ZNF385D: variants seen among roughly 807,000 people sequenced by gnomAD.
ZNF385D encodes the protein zinc finger protein 385D, also known as zinc finger protein 659.
ZNF385D carries 15 observed loss-of-function variants against 35.8 expected under a neutral mutation model. The observed-to-expected ratio is 0.42, with a 90% CI of 0.28 to 0.64. The LOEUF (loss-of-function observed/expected upper bound fraction) is 0.64, where lower values mean the gene tolerates loss of function less well. Among genes scored for constraint, ZNF385D ranks in the 30% least tolerant of loss-of-function variants. The pLI is 0.23. For synonymous variants in ZNF385D, 212 were observed against 186.8 expected, an observed-to-expected ratio of 1.13 and a Z score of -1.10; for missense variants, 474 against 494.6, an observed-to-expected ratio of 0.96 and a Z score of 0.39.
intron 3 of ZNF385D, among the ~76,000 whole-genome samples, chr3:22,029,584 C>T (rs1242867608): frequency 6.6e-6 from 1 of 152,210 alleles, no homozygotes; most frequent in African/African-American, 2.4e-5. Flanking sequence ...GTATTTCCTT[C>T]TTCTTTTGTT....
intron 4 of ZNF385D, among the ~76,000 whole-genome samples, chr3:21,489,077 C>A (rs1424038291): frequency 1.3e-5 from 2 of 152,036 alleles, no homozygotes; most frequent in Non-Finnish European, 2.9e-5. Flanking sequence ...TTTTAATGGA[C>A]TGAAACCTGT....
intron 1 of ZNF385D, among the ~76,000 whole-genome samples, chr3:21,678,377 G>T (rs9310651): frequency 9.2e-5 from 14 of 151,974 alleles, no homozygotes; most frequent in African/African-American, 3.4e-4. Context: ...CCTGAGATTC[G>T]CTCATGATTC....
chr3:21,743,402 T>G (rs1489526799), intron 1 of ZNF385D, among the ~76,000 whole-genome samples: 3 of 152,260 alleles, frequency 2.0e-5, no homozygotes, highest in African/African-American at 7.2e-5. Context: ...GGATCCTTCC[T>G]GCCTGAGGCC....
At chr3:22,306,449 C>T (rs915914820) in intron 2 of ZNF385D, among the ~76,000 whole-genome samples, 1 of 151,768 alleles carries the variant, frequency 6.6e-6, no homozygotes, top group African/African-American at 2.4e-5. Context: ...GGTCTATTTT[C>T]ATCTCTTCTG....
chr3:21,964,765 T>A (rs1248131452), intron 3 of ZNF385D, among the ~76,000 whole-genome samples: 1 of 143,026 alleles, frequency 7.0e-6, no homozygotes, highest in Non-Finnish European at 1.5e-5. Context: ...GTGCTGGGAT[T>A]ATAGGCATGA....
At chr3:21,924,309 G>A (rs543326667) in intron 3 of ZNF385D, among the ~76,000 whole-genome samples, 5 of 152,276 alleles carry the variant, frequency 3.3e-5, no homozygotes, top group African/African-American at 7.2e-5. Context: ...GAATAATACA[G>A]TAGTTAGCTT....
rs545927178 is a variant in ZNF385D at position 22,324,852 on chromosome 3, C to G, written c.106+47598G>C. On this transcript the variant is annotated intron_variant, in intron 2 of 5. Coordinates refer to the ZNF385D transcript ENST00000494108. ...TTGACAAAGTGGTCTTTTTTGGAGA[C>G]AGTAAAAATAGTGATTAAAAGAGAG... is the stretch of plus-strand genomic sequence containing the variant. Among the ~76,000 whole-genome samples, 4 of 152,180 alleles carry G rather than the reference C, an allele frequency of 2.6e-5. No homozygotes were observed. In the South Asian group the frequency reaches 8.3e-4, roughly 32 times the overall value.
At chr3:21,856,947 T>A (rs1277993231) in intron 3 of ZNF385D, among the ~76,000 whole-genome samples, 2 of 152,100 alleles carry the variant, frequency 1.3e-5, no homozygotes, top group South Asian at 2.1e-4. Context: ...GAGGCCAATC[T>A]AAGTGGAGGT....
chr3:21,535,832 C>G (rs1212882167), intron 3 of ZNF385D, among the ~76,000 whole-genome samples: 1 of 152,008 alleles, frequency 6.6e-6, no homozygotes, highest in Non-Finnish European at 1.5e-5. Flanking sequence ...TCTAGCCACA[C>G]TTATTTCTAG....
At chr3:22,338,557 C>A (rs1187021561) in intron 2 of ZNF385D, among the ~76,000 whole-genome samples, 2 of 152,034 alleles carry the variant, frequency 1.3e-5, no homozygotes, top group African/African-American at 4.8e-5. Flanking sequence ...ATAAGTTTAA[C>A]ATAAATAGCT....
At chr3:21,999,339 T>G (rs1472393271) in intron 3 of ZNF385D, among the ~76,000 whole-genome samples, 1 of 152,102 alleles carries the variant, frequency 6.6e-6, no homozygotes, top group East Asian at 1.9e-4. Flanking sequence ...TTTTTTTTTT[T>G]GCCTGTCACA....
At chr3:21,807,529 T>C (rs1413211327) in intron 3 of ZNF385D, among the ~76,000 whole-genome samples, 1 of 152,148 alleles carries the variant, frequency 6.6e-6, no homozygotes, top group Non-Finnish European at 1.5e-5. Context: ...TTGAAGATAA[T>C]ATTTTATTTT....
intron 2 of ZNF385D, among the ~76,000 whole-genome samples, chr3:22,359,481 G>T (rs775724213): frequency 6.6e-6 from 1 of 151,840 alleles, no homozygotes; most frequent in Non-Finnish European, 1.5e-5. Flanking sequence ...CAGCAATGGC[G>T]ATTTCCAGAA....
chr3:21,979,445 A>C (rs926207580), intron 3 of ZNF385D, among the ~76,000 whole-genome samples: 1 of 152,206 alleles, frequency 6.6e-6, no homozygotes, highest in Non-Finnish European at 1.5e-5. Context: ...TTAGCCACTA[A>C]GCTGAAACCA....
intron 3 of ZNF385D, among the ~76,000 whole-genome samples, chr3:22,046,690 C>T (rs1202343524): frequency 6.6e-6 from 1 of 152,082 alleles, no homozygotes; most frequent in Admixed American, 6.6e-5. Context: ...CATTAATTCG[C>T]TCAAGAAAAG....
rs535913600 is a variant in ZNF385D, at chr3:21,448,614, A to G, written c.440-11411T>C. Among the ~76,000 whole-genome samples the G allele has an allele frequency of 5.9e-5, 9 of 152,340 alleles. No homozygotes were observed. In the South Asian group the frequency reaches 1.7e-3, roughly 28 times the overall value. ...AATCAAAAGTCTACAGATTATTTAC[A>G]GAAAGACTGGCCACTGAAAAATTGT... is the stretch of plus-strand genomic sequence containing the variant. On this transcript the variant is annotated intron_variant, in intron 4 of 7. Coordinates refer to ENST00000281523, the MANE Select transcript of ZNF385D (RefSeq NM_024697.3).
rs970624476 is a variant in ZNF385D, at chr3:22,326,527, G to A, written c.106+45923C>T. Among the ~76,000 whole-genome samples the A allele has an allele frequency of 3.9e-5, 6 of 152,246 alleles. No individual in the cohort carries two copies. The East Asian group carries it at 9.7e-4, about 25-fold the overall frequency. ...ATTTTCCATGCACAGGATACCACAGGAGGCAGTATAAACATTCAGGGCAAG... is the reference window on the plus strand; with the variant it reads ...ATTTTCCATGCACAGGATACCACAGAAGGCAGTATAAACATTCAGGGCAAG... On this transcript the variant is annotated intron_variant, in intron 2 of 5. Transcript: ENST00000494108.
At chr3:21,892,491 T>C (rs981983332) in intron 3 of ZNF385D, among the ~76,000 whole-genome samples, 25 of 152,168 alleles carry the variant, frequency 1.6e-4, no homozygotes, top group Admixed American at 6.5e-5. Context: ...TCTGATTAGA[T>C]TTAAAACTAT....
chr3:22,029,321 C>T (rs944910266), intron 3 of ZNF385D, among the ~76,000 whole-genome samples: 1 of 152,172 alleles, frequency 6.6e-6, no homozygotes, highest in African/African-American at 2.4e-5. Context: ...TCCATTAGGG[C>T]TTCTCATAGT....
Sources: gnomAD v4.1 joint callset for allele counts (sites outside exome capture counted in the v4.1 genomes callset) on GRCh38, gnomAD v4.1.1 for gene constraint, MANE v1.5 for transcripts, NCBI Gene and HGNC (gene_info 2026-07-23, HGNC 2026-07-21) for gene names.